ATP10B: variants seen among roughly 807,000 people sequenced by gnomAD.
ATP10B encodes the protein phospholipid-transporting ATPase VB.
Under a neutral mutation model 141.2 loss-of-function variants are expected in ATP10B, and 122 were observed. The ratio of observed to expected loss-of-function variants is 0.86; its 90% CI spans 0.75 to 1.00. The LOEUF (loss-of-function observed/expected upper bound fraction) is 1.00, where lower values mean the gene tolerates loss of function less well. Among genes scored for constraint, ATP10B ranks in the 50% least tolerant of loss-of-function variants. ATP10B has a pLI of 0.00. For synonymous variants in ATP10B, 685 were observed against 692.0 expected, an observed-to-expected ratio of 0.99 and a Z score of 0.16; for missense variants, 1,876 against 1,825.3, an observed-to-expected ratio of 1.03 and a Z score of -0.51.
At chr5:160,818,418 A>G (rs528466108) in intron 1 of ATP10B, among the ~76,000 whole-genome samples, 1 of 152,388 alleles carries the variant, frequency 6.6e-6, no homozygotes, top group South Asian at 2.1e-4. Context: ...ATCACTGGCC[A>G]TCAGAGAAAT....
At chr5:160,707,758 G>T (rs1765102586) in intron 3 of ATP10B, among the ~76,000 whole-genome samples, 1 of 152,166 alleles carries the variant, frequency 6.6e-6, no homozygotes, top group Admixed American at 6.5e-5. Context: ...AGCAGAAACA[G>T]AAGAAAGAGA....
chr5:160,873,181 T>C, the ATP10B span, among the ~76,000 whole-genome samples: 1 of 151,700 alleles, frequency 6.6e-6, no homozygotes, highest in Non-Finnish European at 1.5e-5. Context: ...TTCTCTGCGG[T>C]CTCTTGTTTT....
At chr5:160,739,667 A>G (rs1767339368) in intron 2 of ATP10B, among the ~76,000 whole-genome samples, 1 of 152,190 alleles carries the variant, frequency 6.6e-6, no homozygotes, top group African/African-American at 2.4e-5. Flanking sequence ...CCTGGAGGGA[A>G]CATAGGTGAG....
In ATP10B at chr5:160,583,011, A is replaced by C. The variant is rs145377992; in HGVS notation, c.3750+6581T>G. On this transcript the variant is annotated intron_variant, in intron 24 of 25. Transcript: ENST00000327245. Reference sequence around the variant, plus strand: ...TTTTCAAGGTTCTTAGCTTCCTTGCATTGCATTAGAACATGCTCCTTTAGC... The same window carrying C: ...TTTTCAAGGTTCTTAGCTTCCTTGCCTTGCATTAGAACATGCTCCTTTAGC... Among the ~76,000 whole-genome samples, 1,440 of 152,220 alleles carry C rather than the reference A, an allele frequency of 9.5e-3. 17 individuals are homozygous for C. Among genetic ancestry groups the C allele is most frequent in the African/African-American group, 0.033 (1,360 of 41,540 alleles).
intron 17 of ATP10B, among the ~76,000 whole-genome samples, chr5:160,613,701 A>C (rs950446962): frequency 6.6e-6 from 1 of 152,234 alleles, no homozygotes; most frequent in African/African-American, 2.4e-5. Flanking sequence ...ATAGGGACTC[A>C]TATTTTTGAT....
chr5:160,650,535 A>T (rs1365248648), intron 7 of ATP10B, among the ~76,000 whole-genome samples: 1 of 152,178 alleles, frequency 6.6e-6, no homozygotes, highest in Non-Finnish European at 1.5e-5. Flanking sequence ...GCCTCCACAA[A>T]CAAGTTTAAT....
intron 23 of ATP10B, 32 bp from the exon 24 acceptor site, chr5:160,589,728 G>T: frequency 6.5e-7 from 1 of 1,534,000 alleles, no homozygotes; most frequent in South Asian, 1.1e-5. Context: ...GCATTGTCAG[G>T]TATGTCTGTG....
intron 19 of ATP10B, 124 bp downstream of exon 19, chr5:160,606,641 C>T (rs1390156693): frequency 2.1e-6 from 2 of 940,080 alleles, no homozygotes; most frequent in South Asian, 1.7e-5. Flanking sequence ...GAACTCTCTC[C>T]CTCTAAGACA....
At chr5:160,885,965 C>A in the ATP10B span, among the ~76,000 whole-genome samples, 1 of 152,190 alleles carries the variant, frequency 6.6e-6, no homozygotes, top group Non-Finnish European at 1.5e-5. Flanking sequence ...ACAGTAACCA[C>A]TTTTTGAGAA....
intron 3 of ATP10B, among the ~76,000 whole-genome samples, chr5:160,705,560 C>T (rs981397990): frequency 6.6e-6 from 1 of 152,130 alleles, no homozygotes; most frequent in African/African-American, 2.4e-5. Context: ...CCATGCCCAG[C>T]CCCAACTTTT....
chr5:160,801,291 A>G (rs921482055), intron 1 of ATP10B, among the ~76,000 whole-genome samples: 8 of 152,132 alleles, frequency 5.3e-5, no homozygotes, highest in Non-Finnish European at 1.2e-4. Flanking sequence ...TGTCTTATTG[A>G]TCCTGCAGTG....
At chr5:160,694,194 T>C (rs1293290771) in intron 3 of ATP10B, among the ~76,000 whole-genome samples, 2 of 152,236 alleles carry the variant, frequency 1.3e-5, no homozygotes, top group Non-Finnish European at 2.9e-5. Context: ...CCAAATAAAA[T>C]ACTTCTTCCT....
the ATP10B span, among the ~76,000 whole-genome samples, chr5:160,885,742 T>A: frequency 6.6e-6 from 1 of 152,320 alleles, no homozygotes. Context: ...GTTGTTTTCA[T>A]CCTAGTTGAT....
the ATP10B span, among the ~76,000 whole-genome samples, chr5:160,874,369 C>T: frequency 1.3e-5 from 2 of 152,070 alleles, no homozygotes; most frequent in African/African-American, 4.8e-5. Flanking sequence ...ACATCCACAC[C>T]AAAAACTCAT....
intron 7 of ATP10B, among the ~76,000 whole-genome samples, chr5:160,662,252 A>T (rs1264527036): frequency 2.0e-5 from 3 of 152,230 alleles, no homozygotes; most frequent in Non-Finnish European, 4.4e-5. Context: ...TGCCATCCCC[A>T]TCAAGCTACC....
intron 6 of ATP10B, among the ~76,000 whole-genome samples, chr5:160,682,866 C>T (rs975564158): frequency 4.0e-5 from 6 of 151,456 alleles, no homozygotes; most frequent in Non-Finnish European, 8.8e-5. Flanking sequence ...GGTGAAACCC[C>T]GTCTCTACTA....
chr5:160,679,791 G>C (rs1301946740), intron 6 of ATP10B, among the ~76,000 whole-genome samples: 1 of 152,158 alleles, frequency 6.6e-6, no homozygotes, highest in Non-Finnish European at 1.5e-5. Flanking sequence ...TTACAATAAG[G>C]AACCACCCTG....
At chr5:160,883,160 A>G in the ATP10B span, among the ~76,000 whole-genome samples, 3 of 152,230 alleles carry the variant, frequency 2.0e-5, no homozygotes, top group South Asian at 4.1e-4. Context: ...AATAGAAAAC[A>G]TCGCTTAAGA....
chr5:160,664,130 G>A (rs1168153242), intron 7 of ATP10B, among the ~76,000 whole-genome samples: 2 of 152,198 alleles, frequency 1.3e-5, no homozygotes, highest in African/African-American at 2.4e-5. Context: ...TCAACAGGTA[G>A]AAAGCACTAA....
Sources: gnomAD v4.1 joint callset for allele counts (sites outside exome capture counted in the v4.1 genomes callset) on GRCh38, gnomAD v4.1.1 for gene constraint, MANE v1.5 for transcripts, NCBI Gene and HGNC (gene_info 2026-07-23, HGNC 2026-07-21) for gene names.